The following KCNAB1 variants were observed in gnomAD, a reference collection of about 807,000 sequenced individuals.
KCNAB1 encodes the protein potassium voltage-gated channel subfamily A regulatory beta subunit 1.
In KCNAB1, 35 loss-of-function variants were observed where a neutral mutation model predicts 64.6. The ratio of observed to expected loss-of-function variants is 0.54; its 90% CI spans 0.41 to 0.72. KCNAB1 has a LOEUF of 0.72. Among genes scored for constraint, KCNAB1 ranks in the 30% least tolerant of loss-of-function variants. The probability of loss-of-function intolerance (pLI) is 0.00; values close to 1 mark genes in which losing one functional copy is unlikely to be tolerated. For missense variants in KCNAB1, 401 were observed against 512.9 expected (o/e 0.78, Z 2.11); for synonymous variants, 177 against 183.8 (o/e 0.96, Z 0.30).
chr3:156,313,247 GA>G (rs935817688), intron 1 of KCNAB1, among the ~76,000 whole-genome samples: 2 of 151,866 alleles, frequency 1.3e-5, no homozygotes, highest in African/African-American at 4.8e-5. Context: ...AAATGGACTA[GA>G]AAAAAAATCC....
At chr3:156,411,489 T>G (rs946737590) in intron 1 of KCNAB1, among the ~76,000 whole-genome samples, 3 of 152,184 alleles carry the variant, frequency 2.0e-5, no homozygotes, top group Non-Finnish European at 4.4e-5. Context: ...AGTGTCATAT[T>G]TTACATTTAG....
intron 1 of KCNAB1, among the ~76,000 whole-genome samples, chr3:156,234,564 G>T (rs1238961285): frequency 6.6e-6 from 1 of 152,112 alleles, no homozygotes; most frequent in Non-Finnish European, 1.5e-5. Flanking sequence ...TCAACGCTGG[G>T]AGTGGGGATG....
chr3:156,173,808 G>C (rs1348857744), intron 1 of KCNAB1, among the ~76,000 whole-genome samples: 3 of 152,186 alleles, frequency 2.0e-5, no homozygotes, highest in Non-Finnish European at 4.4e-5. Flanking sequence ...TTGTACCAGA[G>C]GACTGTGTGA....
intron 1 of KCNAB1, among the ~76,000 whole-genome samples, chr3:156,182,393 G>A (rs934929191): frequency 1.3e-5 from 2 of 152,210 alleles, no homozygotes; most frequent in African/African-American, 4.8e-5. Flanking sequence ...AGGAGAGATT[G>A]TGGGGCTTTA....
intron 1 of KCNAB1, among the ~76,000 whole-genome samples, chr3:156,162,057 A>G (rs1387314169): frequency 6.6e-6 from 1 of 152,214 alleles, no homozygotes; most frequent in Non-Finnish European, 1.5e-5. Context: ...AAAGCATTCT[A>G]AGAATTCACA....
intron 1 of KCNAB1, among the ~76,000 whole-genome samples, chr3:156,155,544 G>A (rs1050388242): frequency 6.6e-6 from 1 of 152,148 alleles, no homozygotes; most frequent in African/African-American, 2.4e-5. Flanking sequence ...AGTACCTGAA[G>A]GAGGTAGAAA....
intron 1 of KCNAB1, among the ~76,000 whole-genome samples, chr3:156,274,468 A>T (rs1385384130): frequency 6.6e-6 from 1 of 152,270 alleles, no homozygotes; most frequent in Non-Finnish European, 1.5e-5. Context: ...TGGACATTGT[A>T]AAAACCAGAA....
At chr3:156,421,216 T>TGGTAACTGA (rs1715444841) in intron 1 of KCNAB1, among the ~76,000 whole-genome samples, 2 of 152,200 alleles carry the variant, frequency 1.3e-5, no homozygotes, top group South Asian at 4.1e-4. Flanking sequence ...TAGACCAGGA[T>TGGTAACTGA]GGTAACTGAG....
At chr3:156,200,485 G>A (rs1287237698) in intron 1 of KCNAB1, among the ~76,000 whole-genome samples, 1 of 152,208 alleles carries the variant, frequency 6.6e-6, no homozygotes, top group Non-Finnish European at 1.5e-5. Flanking sequence ...GCCCCTGACT[G>A]GGGCTGGTGC....
chr3:156,270,489 G>T, intron 1 of KCNAB1, among the ~76,000 whole-genome samples: 1 of 151,892 alleles, frequency 6.6e-6, no homozygotes. Flanking sequence ...CATAAGGCTT[G>T]CACTTAATAT....
rs576689258 is a variant in KCNAB1, at chr3:156,463,586, T to G, written c.483-116T>G. 3 of 842,350 alleles carry G rather than the reference T, an allele frequency of 3.6e-6. No homozygotes were observed. The South Asian group carries it at 4.9e-5, about 14-fold the overall frequency. The allele number at this position is 842,350 out of a possible 1,614,324, so 52.2% of individuals were successfully genotyped here. ...TTAACAAATTTACCTCTTTACCAATTTTTAAAATGTGAGGTATAATAACAA... is the reference window on the plus strand; with the variant it reads ...TTAACAAATTTACCTCTTTACCAATGTTTAAAATGTGAGGTATAATAACAA... On this transcript the variant is annotated intron_variant, in intron 5 of 13. Transcript: ENST00000490337.
At chr3:156,434,900 C>T (rs1296262190) in intron 2 of KCNAB1, among the ~76,000 whole-genome samples, 1 of 152,084 alleles carries the variant, frequency 6.6e-6, no homozygotes, top group Non-Finnish European at 1.5e-5. Flanking sequence ...GAAGATGGTA[C>T]TGTTTTAATT....
At chr3:156,125,382 A>G (rs1713595621) in intron 1 of KCNAB1, among the ~76,000 whole-genome samples, 1 of 152,226 alleles carries the variant, frequency 6.6e-6, no homozygotes, top group Non-Finnish European at 1.5e-5. Flanking sequence ...ATTTTATAAG[A>G]GACCTTTGTG....
chr3:156,127,167 C>A (rs1164946355), intron 1 of KCNAB1, among the ~76,000 whole-genome samples: 1 of 152,188 alleles, frequency 6.6e-6, no homozygotes, highest in Non-Finnish European at 1.5e-5. Context: ...ACATAGTGGA[C>A]AGCATCAGTA....
chr3:156,332,885 C>G (rs1371671043), intron 1 of KCNAB1, among the ~76,000 whole-genome samples: 1 of 152,144 alleles, frequency 6.6e-6, no homozygotes, highest in Admixed American at 6.5e-5. Flanking sequence ...TTGTTTATTT[C>G]CTGGTTTCCA....
chr3:156,466,591 CCTCTAAGG>C (rs1713394293), intron 7 of KCNAB1, among the ~76,000 whole-genome samples: 1 of 151,490 alleles, frequency 6.6e-6, no homozygotes, highest in Admixed American at 6.6e-5. Flanking sequence ...ATAGTAGTGA[CCTCTAAGG>C]CTTTAATGCA....
intron 1 of KCNAB1, among the ~76,000 whole-genome samples, chr3:156,131,799 G>T (rs1714013865): frequency 1.3e-5 from 2 of 152,188 alleles, no homozygotes; most frequent in South Asian, 4.1e-4. Flanking sequence ...GGTGGGAAGG[G>T]TCCAGTCAGG....
At chr3:156,224,479 G>C (rs1378122454) in intron 1 of KCNAB1, among the ~76,000 whole-genome samples, 21 of 152,252 alleles carry the variant, frequency 1.4e-4, no homozygotes, top group Admixed American at 1.4e-3. Context: ...CCAGCATGCT[G>C]TCACCTCTCA....
In KCNAB1 at chr3:156,231,485, C is replaced by G. The variant is rs541694874; in HGVS notation, c.275+110599C>G. ...GAATCCCCTTTCTTCCCTCCCCTCC[C>G]CTCCCCTCCCCTCCCTCCCTCCCTC... On this transcript the variant is annotated intron_variant, in intron 1 of 13. Transcript: ENST00000490337. Among the ~76,000 whole-genome samples, 121 of 125,614 alleles carry G rather than the reference C, an allele frequency of 9.6e-4. 1 individual carries two copies. Among genetic ancestry groups the G allele is most frequent in the African/African-American group, 3.8e-3 (118 of 30,886 alleles). 82.4% of individuals were successfully genotyped at this position (125,614 alleles called of 152,430 possible). A position where few individuals can be genotyped will look rare whatever the true frequency, so the allele number is the denominator to read the frequency against.
Sources: gnomAD v4.1 joint callset for allele counts (sites outside exome capture counted in the v4.1 genomes callset) on GRCh38, gnomAD v4.1.1 for gene constraint, MANE v1.5 for transcripts, NCBI Gene and HGNC (gene_info 2026-07-23, HGNC 2026-07-21) for gene names.